Variants in WDFY4 observed in about 807,000 individuals in gnomAD.
The protein encoded by WDFY4 is WDFY family member 4, also known as WD repeat- and FYVE domain-containing protein 4.
In WDFY4, 169 loss-of-function variants were observed where a neutral mutation model predicts 351.9. That is an observed-to-expected ratio of 0.48 (90% CI 0.42 to 0.55). The LOEUF is 0.55. WDFY4 is among the 20% of genes least tolerant of loss of function. The probability of loss-of-function intolerance (pLI) is 0.00; values close to 1 mark genes in which losing one functional copy is unlikely to be tolerated. For synonymous variants in WDFY4, 1,622 were observed against 1,574.6 expected (o/e 1.03, Z -0.71); for missense variants, 3,803 against 3,935.6 (o/e 0.97, Z 0.90).
At chr10:48,805,068 C>T (rs957506531) in intron 25 of WDFY4, among the ~76,000 whole-genome samples, 192 bp from the exon 26 acceptor site, 2 of 152,070 alleles carry the variant, frequency 1.3e-5, no homozygotes, top group Non-Finnish European at 2.9e-5. Flanking sequence ...GCAGTGCACA[C>T]CCGAGCGACT....
chr10:48,943,211 T>G, intron 48 of WDFY4, 119 bp from the exon 49 acceptor site: 2 of 1,207,886 alleles, frequency 1.7e-6, no homozygotes, highest in Non-Finnish European at 2.3e-6. Flanking sequence ...ACCGAGGGGC[T>G]GGCTGCCTGT....
In WDFY4 at chr10:48,803,376, C is replaced by T; in HGVS notation, c.4484+17C>T. 6.4e-7 allele frequency: 1 copy of T among 1,551,420 alleles called. No individual in the cohort carries two copies. The highest frequency in any genetic ancestry group is 8.7e-7 in the Non-Finnish European group (1 of 1,146,790). On this transcript the variant is annotated intron_variant, in intron 25 of 61. Transcript: ENST00000325239. The stretch of plus-strand genomic sequence containing the variant: ...ATCACCAAGGTAGGCTGGGTCTTGG[C>T]AGCCTGGGGGTTAGAACTGAAGGCT...
In WDFY4 at chr10:48,823,192, C is replaced by T. The variant is rs556768733; in HGVS notation, c.5982+655C>T. On this transcript the variant is annotated intron_variant, in intron 35 of 61. Transcript: ENST00000325239. ...CTTTTTTTTTTTTAGATCTCAGCCC[C>T]ATTACAAGCTAGAGACTTTTCCTGA... is the stretch of plus-strand genomic sequence containing the variant. The T allele has an allele frequency of 1.0e-4, 130 of 1,303,014 alleles. No individual in the cohort carries two copies. In the African/African-American group the frequency reaches 1.6e-3, roughly 16 times the overall value. The allele number at this position is 1,303,014 out of a possible 1,614,324, so 80.7% of individuals were successfully genotyped here. A position where few individuals can be genotyped will look rare whatever the true frequency, so the allele number is the denominator to read the frequency against.
chr10:48,950,324 A>G (rs546852068), intron 51 of WDFY4, among the ~76,000 whole-genome samples: 2 of 152,348 alleles, frequency 1.3e-5, no homozygotes, highest in Admixed American at 1.3e-4. Context: ...GGCTTCTTGC[A>G]CTTAGCGTAA....
intron 43 of WDFY4, 24 bp downstream of exon 43, chr10:48,877,223 C>G: frequency 6.5e-7 from 1 of 1,537,700 alleles, no homozygotes; most frequent in Non-Finnish European, 8.8e-7. Flanking sequence ...TTGCAATAGC[C>G]TTTAAGATTT....
chr10:48,713,589 G>A (rs1159211520), intron 2 of WDFY4, among the ~76,000 whole-genome samples: 1 of 152,356 alleles, frequency 6.6e-6, no homozygotes, highest in Non-Finnish European at 1.5e-5. Context: ...ATAAGGAAGA[G>A]CCTAATGGGA....
chr10:48,938,917 C>T (rs1476326680), intron 47 of WDFY4, among the ~76,000 whole-genome samples: 7 of 152,122 alleles, frequency 4.6e-5, no homozygotes, highest in Admixed American at 6.5e-5. Context: ...CCTGTATGTC[C>T]GCCTGTGCTA....
chr10:48,919,921 AC>A (rs1365442465), intron 47 of WDFY4, among the ~76,000 whole-genome samples: 2 of 152,188 alleles, frequency 1.3e-5, no homozygotes, highest in Admixed American at 1.3e-4. Context: ...TGTCAGCATT[AC>A]CCTGATGCTA....
Position 48,957,276 on chromosome 10 carries a change from G to A in WDFY4, c.8125G>A (p.Glu2709Lys). 1 of 1,551,116 alleles carries A rather than the reference G, an allele frequency of 6.4e-7. No homozygotes were observed. The change falls in exon 52 of 62, where the codon GAG becomes AAG. Residue 2709 changes from glutamate (E) to lysine (K), a missense_variant. Around this residue, in one of 3 missense-constraint regions of WDFY4, gnomAD observed 3,054 missense variants for 3,148.6 expected, o/e 0.97. Transcript: ENST00000325239. ...PEFLTNCNGVEFGCMQDGTVL... is the reference protein window; with the variant it reads ...PEFLTNCNGVKFGCMQDGTVL... The stretch of plus-strand genomic sequence containing the variant: ...GTTCTTAACCAACTGCAACGGGGTA[G>A]AGTTCGGTAAGTGGAGGCCTGGTGA...
chr10:48,943,597 T>TC, intron 49 of WDFY4, 148 bp downstream of exon 49: 1 of 833,034 alleles, frequency 1.2e-6, no homozygotes, highest in Non-Finnish European at 1.7e-6. Context: ...AGCTCAGATC[T>TC]CTTTTTTTTT....
intron 26 of WDFY4, 86 bp downstream of exon 26, chr10:48,805,507 T>C: frequency 6.9e-7 from 1 of 1,459,344 alleles, no homozygotes. Context: ...CTCCCCATTG[T>C]GCTCAACCCT....
intron 5 of WDFY4, among the ~76,000 whole-genome samples, chr10:48,724,798 C>A (rs749400901): frequency 6.6e-6 from 1 of 152,006 alleles, no homozygotes; most frequent in Non-Finnish European, 1.5e-5. Flanking sequence ...GAAAACAATC[C>A]AGGAATAAGT....
intron 12 of WDFY4, chr10:48,746,082 GC>G: frequency 6.2e-6 from 1 of 160,280 alleles, no homozygotes. Context: ...CCGCCAGGTG[GC>G]CCAGGAGGTA....
chr10:48,876,781 C>T (rs976067061), intron 42 of WDFY4, among the ~76,000 whole-genome samples: 1 of 152,188 alleles, frequency 6.6e-6, no homozygotes, highest in Non-Finnish European at 1.5e-5. Flanking sequence ...AGTGGCTGAA[C>T]AGCTAGGCCT....
chr10:48,919,988 A>G (rs1414389380), intron 47 of WDFY4, among the ~76,000 whole-genome samples: 1 of 152,258 alleles, frequency 6.6e-6, no homozygotes, highest in African/African-American at 2.4e-5. Flanking sequence ...CTTCATGAAC[A>G]TAGTTACAAA....
At chr10:48,923,506 A>ATATATATATATATGTATG (rs143983467) in intron 47 of WDFY4, among the ~76,000 whole-genome samples, 35,523 of 115,048 alleles carry the variant, frequency 0.31, 8,583 homozygotes, top group East Asian at 0.78. Context: ...GTATATATAT[A>ATATATATATATATGTATG]TATATATGTC....
chr10:48,759,831 T>C (rs2065446739), intron 12 of WDFY4, among the ~76,000 whole-genome samples: 1 of 152,160 alleles, frequency 6.6e-6, no homozygotes, highest in South Asian at 2.1e-4. Flanking sequence ...GTGCTTGAGT[T>C]TGGTTTCCTT....
At chr10:48,704,431 C>T (rs114975608) in intron 1 of WDFY4, among the ~76,000 whole-genome samples, 24 of 152,216 alleles carry the variant, frequency 1.6e-4, no homozygotes, top group Non-Finnish European at 3.2e-4. Context: ...GGACACAGCA[C>T]GGCCGGCAGG....
At chr10:48,711,037 C>T (rs2063756080) in intron 2 of WDFY4, among the ~76,000 whole-genome samples, 1 of 152,226 alleles carries the variant, frequency 6.6e-6, no homozygotes, top group Non-Finnish European at 1.5e-5. Context: ...AGAACAAGAG[C>T]TACTTTTCAC....
Sources: allele counts gnomAD v4.1 joint callset (sites outside exome capture counted in the v4.1 genomes callset), GRCh38; gene constraint gnomAD v4.1.1; regional missense constraint gnomAD v4.1.1; transcripts MANE v1.5; gene names NCBI Gene and HGNC (gene_info 2026-07-23, HGNC 2026-07-21).